Variants in GRID2 observed in about 807,000 individuals in gnomAD.
GRID2 encodes the protein glutamate receptor ionotropic, delta-2.
A neutral mutation model predicts 114.8 loss-of-function variants in GRID2; 33 were observed. That is an observed-to-expected ratio of 0.29 (90% confidence interval 0.22 to 0.38). The LOEUF is 0.38. Ranked by LOEUF, GRID2 falls within the 10% of genes least tolerant of loss-of-function variation. GRID2 has a pLI of 1.00. For missense variants in GRID2, 1,184 were observed against 1,257.7 expected, an observed-to-expected ratio of 0.94 and a Z score of 0.89; for synonymous variants, 505 against 449.9, an observed-to-expected ratio of 1.12 and a Z score of -1.55.
At chr4:93,254,786 C>G (rs939988602) in intron 8 of GRID2, among the ~76,000 whole-genome samples, 1 of 151,996 alleles carries the variant, frequency 6.6e-6, no homozygotes, top group African/African-American at 2.4e-5. Context: ...TAAAGTGTTA[C>G]GTTTATGTAT....
intron 1 of GRID2, among the ~76,000 whole-genome samples, chr4:92,416,613 C>T (rs1731628574): frequency 6.6e-6 from 1 of 152,086 alleles, no homozygotes; most frequent in South Asian, 2.1e-4. Context: ...GCTCTATTCT[C>T]CTACATGTGG....
At chr4:92,976,020 CATTA>C (rs893393547) in intron 2 of GRID2, among the ~76,000 whole-genome samples, 24 of 151,984 alleles carry the variant, frequency 1.6e-4, no homozygotes, top group African/African-American at 5.8e-4. Flanking sequence ...GCCAAGTTTT[CATTA>C]ATTAATATAC....
intron 2 of GRID2, among the ~76,000 whole-genome samples, chr4:92,609,610 T>A (rs1469478409): frequency 6.7e-6 from 1 of 149,524 alleles, no homozygotes; most frequent in Non-Finnish European, 1.5e-5. Context: ...CAACAGTTAC[T>A]GGAAATAATA....
intron 1 of GRID2, among the ~76,000 whole-genome samples, chr4:92,381,055 T>C (rs1458275126): frequency 2.0e-5 from 3 of 152,066 alleles, no homozygotes; most frequent in African/African-American, 7.2e-5. Context: ...CTCTAATGTG[T>C]CATGCAATCT....
At chr4:93,440,823 A>G (rs1278332124) in intron 10 of GRID2, among the ~76,000 whole-genome samples, 4 of 152,116 alleles carry the variant, frequency 2.6e-5, no homozygotes, top group Non-Finnish European at 5.9e-5. Context: ...TGCAAACAGC[A>G]AGGAGCAATT....
intron 13 of GRID2, among the ~76,000 whole-genome samples, chr4:93,537,340 T>G (rs971351455): frequency 1.3e-5 from 2 of 151,686 alleles, no homozygotes; most frequent in African/African-American, 2.4e-5. Flanking sequence ...TTTTGAGAGA[T>G]ATATTAAGAT....
At chr4:92,809,966 T>G (rs1257381410) in intron 2 of GRID2, among the ~76,000 whole-genome samples, 1 of 152,052 alleles carries the variant, frequency 6.6e-6, no homozygotes, top group African/African-American at 2.4e-5. Context: ...TGTTCACTTT[T>G]CATTTTTGAA....
chr4:93,122,748 G>T (rs1035447434), intron 4 of GRID2, among the ~76,000 whole-genome samples: 2 of 151,898 alleles, frequency 1.3e-5, no homozygotes, highest in Non-Finnish European at 1.5e-5. Context: ...AACAGGCACT[G>T]ATTCATCCCT....
At chr4:92,433,191 T>A (rs1732553702) in intron 1 of GRID2, among the ~76,000 whole-genome samples, 1 of 152,122 alleles carries the variant, frequency 6.6e-6, no homozygotes, top group Admixed American at 6.5e-5. Flanking sequence ...CTCCCAGAGC[T>A]GCAAGCTGTA....
chr4:92,376,178 C>G (rs527905610), intron 1 of GRID2, among the ~76,000 whole-genome samples: 1 of 151,920 alleles, frequency 6.6e-6, no homozygotes, highest in South Asian at 2.1e-4. Context: ...GGTGTGTTGT[C>G]GGGCACCTGA....
chr4:92,333,692 T>A (rs1727015868), intron 1 of GRID2, among the ~76,000 whole-genome samples: 1 of 152,194 alleles, frequency 6.6e-6, no homozygotes, highest in East Asian at 1.9e-4. Context: ...TTCTTCCGTA[T>A]TTTGTTTAGA....
chr4:92,765,075 A>G (rs1738196024), intron 2 of GRID2, among the ~76,000 whole-genome samples: 1 of 152,178 alleles, frequency 6.6e-6, no homozygotes, highest in South Asian at 2.1e-4. Context: ...ATTATTTTTC[A>G]GGCCTAAATG....
At chr4:93,787,099 G>C (rs1456256391) in intron 1 of GRID2, among the ~76,000 whole-genome samples, 1 of 151,496 alleles carries the variant, frequency 6.6e-6, no homozygotes, top group Non-Finnish European at 1.5e-5. Context: ...GGACTTTGGA[G>C]TCCTCCACTG....
intron 1 of GRID2, among the ~76,000 whole-genome samples, chr4:92,333,675 AAAC>A (rs1727014583): frequency 6.6e-6 from 1 of 152,164 alleles, no homozygotes; most frequent in South Asian, 2.1e-4. Context: ...AAAACTAGAC[AAAC>A]AACTTCTTCC....
intron 2 of GRID2, among the ~76,000 whole-genome samples, chr4:92,865,199 A>G (rs1248598025): frequency 6.6e-6 from 1 of 152,170 alleles, no homozygotes; most frequent in African/African-American, 2.4e-5. Flanking sequence ...GTTTATTTTC[A>G]AAAACTCCTG....
intron 2 of GRID2, among the ~76,000 whole-genome samples, chr4:92,713,947 A>C (rs1735405612): frequency 6.6e-6 from 1 of 152,026 alleles, no homozygotes; most frequent in Non-Finnish European, 1.5e-5. Context: ...TCATGTCTTC[A>C]CATTTCAAAA....
chr4:92,756,677 A>G (rs1357714600), intron 2 of GRID2, among the ~76,000 whole-genome samples: 1 of 151,860 alleles, frequency 6.6e-6, no homozygotes, highest in East Asian at 1.9e-4. Flanking sequence ...ATGAGATTTT[A>G]TTTTGGGTCT....
At chr4:93,005,191 T>G (rs563583671) in intron 2 of GRID2, among the ~76,000 whole-genome samples, 1 of 152,078 alleles carries the variant, frequency 6.6e-6, no homozygotes, top group South Asian at 2.1e-4. Flanking sequence ...ATAAACCTGT[T>G]CCTCTCTTAA....
chr4:92,649,526 A>G (rs1731821319), intron 2 of GRID2, among the ~76,000 whole-genome samples: 1 of 151,828 alleles, frequency 6.6e-6, no homozygotes, highest in Admixed American at 6.6e-5. Flanking sequence ...TCTCTTCCAG[A>G]AACATTCTCA....
Sources: allele counts gnomAD v4.1 joint callset (sites outside exome capture counted in the v4.1 genomes callset), GRCh38; gene constraint gnomAD v4.1.1; transcripts MANE v1.5; gene names NCBI Gene and HGNC (gene_info 2026-07-23, HGNC 2026-07-21).